The following PTPRG variants were observed in gnomAD, a reference collection of about 807,000 sequenced individuals.
PTPRG encodes the protein protein tyrosine phosphatase receptor type G.
PTPRG carries 102 observed loss-of-function variants against 165.3 expected under a neutral mutation model. The observed-to-expected ratio is 0.62, with a 90% CI of 0.53 to 0.73. PTPRG has a LOEUF of 0.73. Ranked by LOEUF, PTPRG falls within the 30% of genes least tolerant of loss-of-function variation. The pLI, the probability that PTPRG is intolerant of heterozygous loss-of-function variation, is 0.00. For missense variants in PTPRG, 1,866 were observed against 1,861.4 expected (o/e 1.00, Z -0.05); for synonymous variants, 675 against 669.5 (o/e 1.01, Z -0.13).
chr3:62,042,049 C>G (rs1030332504), intron 4 of PTPRG, among the ~76,000 whole-genome samples: 2 of 152,200 alleles, frequency 1.3e-5, no homozygotes, highest in Non-Finnish European at 2.9e-5. Context: ...GAAGTGAGGT[C>G]AGAACCCAGA....
At chr3:61,672,818 A>AGAGAGG (rs1553647641) in intron 1 of PTPRG, among the ~76,000 whole-genome samples, 4 of 143,960 alleles carry the variant, frequency 2.8e-5, no homozygotes, top group African/African-American at 1.1e-4. Context: ...AGAGGGAGAG[A>AGAGAGG]GAGAGGGAGA....
chr3:61,828,148 A>G lies in PTPRG; in HGVS notation c.190+79166A>G, dbSNP rs757313790. Among the ~76,000 whole-genome samples the G allele has an allele frequency of 2.6e-5, 4 of 152,026 alleles. No homozygotes were observed. The South Asian group carries it at 6.2e-4, about 24-fold the overall frequency. The stretch of plus-strand genomic sequence containing the variant: ...GTCTTCTACATGCCCTTTTTTTCTC[A>G]GTCTATCAAGGTACATTACATAGTT... On this transcript the variant is annotated intron_variant, in intron 2 of 29. Coordinates refer to ENST00000474889, the MANE Select transcript of PTPRG (RefSeq NM_002841.4).
chr3:61,734,703 T>C (rs539190801), intron 1 of PTPRG, among the ~76,000 whole-genome samples: 1 of 152,348 alleles, frequency 6.6e-6, no homozygotes, highest in Admixed American at 6.5e-5. Context: ...AACGTTAGTG[T>C]ATTTATTAAA....
chr3:61,946,998 G>C (rs1401233070), intron 2 of PTPRG, among the ~76,000 whole-genome samples: 1 of 152,136 alleles, frequency 6.6e-6, no homozygotes, highest in Non-Finnish European at 1.5e-5. Flanking sequence ...TGTATGTTTG[G>C]GGTTAAGTAA....
chr3:62,289,924 T>TA (rs1217741621), intron 28 of PTPRG, among the ~76,000 whole-genome samples: 1 of 151,888 alleles, frequency 6.6e-6, no homozygotes, highest in Non-Finnish European at 1.5e-5. Flanking sequence ...GCGTAAAAGA[T>TA]AAAAAGAGGG....
At chr3:61,957,970 G>C (rs1480134645) in intron 2 of PTPRG, among the ~76,000 whole-genome samples, 7 of 152,116 alleles carry the variant, frequency 4.6e-5, no homozygotes, top group Non-Finnish European at 8.8e-5. Flanking sequence ...CTGGCTTGGA[G>C]CATTTGCCTT....
At chr3:61,648,476 C>T (rs1217741696) in intron 1 of PTPRG, among the ~76,000 whole-genome samples, 2 of 152,206 alleles carry the variant, frequency 1.3e-5, no homozygotes, top group African/African-American at 4.8e-5. Context: ...AACTGGGCAG[C>T]AAAAGAGAGG....
At chr3:61,647,732 C>A (rs1702241878) in intron 1 of PTPRG, among the ~76,000 whole-genome samples, 1 of 140,550 alleles carries the variant, frequency 7.1e-6, no homozygotes, top group African/African-American at 2.7e-5. Context: ...GCGGAGCTTG[C>A]AGTGAGCTGA....
intron 2 of PTPRG, among the ~76,000 whole-genome samples, chr3:61,959,355 A>T (rs970765978): frequency 6.6e-6 from 1 of 152,154 alleles, no homozygotes. Flanking sequence ...CCTTTTTGGC[A>T]CCAGGGACTG....
At chr3:62,170,251 A>T (rs1705166024) in intron 8 of PTPRG, among the ~76,000 whole-genome samples, 1 of 150,560 alleles carries the variant, frequency 6.6e-6, no homozygotes, top group African/African-American at 2.4e-5. Flanking sequence ...TAACCTAGTT[A>T]AAAAAAAATG....
chr3:61,595,067 A>G (rs1046765291), intron 1 of PTPRG, among the ~76,000 whole-genome samples: 1 of 152,110 alleles, frequency 6.6e-6, no homozygotes, highest in South Asian at 2.1e-4. Flanking sequence ...TTTTGTCAAA[A>G]CACACAGATG....
At chr3:61,681,174 T>C (rs1406849571) in intron 1 of PTPRG, among the ~76,000 whole-genome samples, 2 of 152,130 alleles carry the variant, frequency 1.3e-5, no homozygotes, top group East Asian at 1.9e-4. Context: ...AGCTTTTAGC[T>C]TGTGAAAAGC....
intron 1 of PTPRG, among the ~76,000 whole-genome samples, chr3:61,643,190 T>C (rs945654951): frequency 5.9e-5 from 9 of 151,972 alleles, no homozygotes; most frequent in African/African-American, 1.9e-4. Context: ...CCTGGGCGGC[T>C]GAAAAGGGAA....
chr3:62,079,860 G>T (rs747133974), intron 5 of PTPRG, among the ~76,000 whole-genome samples: 4 of 152,136 alleles, frequency 2.6e-5, no homozygotes, highest in Non-Finnish European at 4.4e-5. Context: ...AGATTGCAGT[G>T]GTAATTAAAG....
At chr3:61,859,497 T>G (rs2037201084) in intron 2 of PTPRG, among the ~76,000 whole-genome samples, 1 of 152,178 alleles carries the variant, frequency 6.6e-6, no homozygotes, top group African/African-American at 2.4e-5. Flanking sequence ...TCTGTCCCCC[T>G]TTTGTTCCTT....
At chr3:62,032,605 C>G (rs1487018079) in intron 4 of PTPRG, among the ~76,000 whole-genome samples, 1 of 151,964 alleles carries the variant, frequency 6.6e-6, no homozygotes, top group East Asian at 1.9e-4. Context: ...AAGACGTTTT[C>G]CTTGACAGCA....
chr3:62,200,496 C>T (rs1576126576), intron 10 of PTPRG, among the ~76,000 whole-genome samples: 2 of 152,212 alleles, frequency 1.3e-5, no homozygotes, highest in Middle Eastern at 3.4e-3. Flanking sequence ...GTCTCAATCT[C>T]CTGACCTCAT....
chr3:62,172,560 T>A (rs1207825044), intron 8 of PTPRG, among the ~76,000 whole-genome samples: 1 of 150,650 alleles, frequency 6.6e-6, no homozygotes, highest in East Asian at 1.9e-4. Flanking sequence ...CATGACCAAA[T>A]GTTCCTCCTT....
Position 62,267,689 on chromosome 3 carries a change from A to G in PTPRG, c.2744A>G (p.Tyr915Cys), listed in dbSNP as rs1332218905. 2 of 1,612,684 alleles carry G rather than the reference A, an allele frequency of 1.2e-6. No homozygotes were observed. Among genetic ancestry groups the G allele is most frequent in the South Asian group, 1.1e-5 (1 of 90,822 alleles). ...TTGTGCTGTGTCATTTTGAAGGGTT[A>G]CAACAAAGCAAAAGCCTACATTGCC... ...DYINANYVDG[Y>C]NKAKAYIATQ... Residue 915 changes from tyrosine to cysteine, a missense_variant, in exon 19 of 30, where the codon TAC becomes TGC. Tyr to Cys is a radical substitution (Grantham distance 194, BLOSUM62 -2). This residue lies in a region of PTPRG where 1,452 missense variants were observed against 1,463.0 expected (regional missense o/e 0.99). Transcript: ENST00000474889.
Sources: gnomAD v4.1 joint callset for allele counts (sites outside exome capture counted in the v4.1 genomes callset) on GRCh38, gnomAD v4.1.1 for gene constraint, gnomAD v4.1.1 regional missense constraint, MANE v1.5 for transcripts, NCBI Gene and HGNC (gene_info 2026-07-23, HGNC 2026-07-21) for gene names.